The following PPP3CA variants were observed in gnomAD, a reference collection of about 807,000 sequenced individuals.
The protein encoded by PPP3CA is protein phosphatase 3 catalytic subunit alpha, also known as CAM-PRP catalytic subunit.
A neutral mutation model predicts 66.5 loss-of-function variants in PPP3CA; 14 were observed. That is an observed-to-expected ratio of 0.21 (90% CI 0.14 to 0.33). The LOEUF (loss-of-function observed/expected upper bound fraction) is 0.33, where lower values mean the gene tolerates loss of function less well. Among genes scored for constraint, PPP3CA ranks in the 10% least tolerant of loss-of-function variants. The pLI, the probability that PPP3CA is intolerant of heterozygous loss-of-function variation, is 1.00. For synonymous variants in PPP3CA, 232 were observed against 226.2 expected (o/e 1.03, Z -0.23); for missense variants, 317 against 639.5 (o/e 0.50, Z 5.44).
At chr4:101,104,741 G>T (rs1162251702) in intron 3 of PPP3CA, among the ~76,000 whole-genome samples, 1 of 151,982 alleles carries the variant, frequency 6.6e-6, no homozygotes, top group Non-Finnish European at 1.5e-5. Flanking sequence ...ATTTTCAGTA[G>T]GTACATTTTA....
chr4:101,097,899 A>C (rs1253881199), intron 5 of PPP3CA, among the ~76,000 whole-genome samples: 2 of 152,204 alleles, frequency 1.3e-5, no homozygotes, highest in Non-Finnish European at 2.9e-5. Flanking sequence ...AATTAATAAA[A>C]TATTATCACT....
chr4:101,066,910 C>T (rs1304016199), intron 8 of PPP3CA, among the ~76,000 whole-genome samples: 4 of 152,106 alleles, frequency 2.6e-5, no homozygotes. Context: ...CTTCAATAAT[C>T]ACTCAAGACC....
intron 3 of PPP3CA, among the ~76,000 whole-genome samples, chr4:101,106,370 GAGAAAAGAAAGAAAGAA>G (rs1560604639): frequency 5.2e-5 from 1 of 19,062 alleles, no homozygotes; most frequent in African/African-American, 1.4e-4. Flanking sequence ...ATTTAAAAGA[GAGAAAAGAAAGAAAGAA>G]AGAAAGAAAG....
At chr4:101,289,870 A>ATATGTG (rs1223561347) in intron 1 of PPP3CA, among the ~76,000 whole-genome samples, 1 of 141,728 alleles carries the variant, frequency 7.1e-6, no homozygotes, top group African/African-American at 2.6e-5. Flanking sequence ...ATGTCCGTGT[A>ATATGTG]TGTGTGTGTG....
At chr4:101,083,473 T>G (rs1420601911) in intron 6 of PPP3CA, among the ~76,000 whole-genome samples, 1 of 151,952 alleles carries the variant, frequency 6.6e-6, no homozygotes, top group African/African-American at 2.4e-5. Context: ...AGAAAGGGGT[T>G]GAGGTGCATG....
intron 1 of PPP3CA, among the ~76,000 whole-genome samples, chr4:101,337,985 A>G (rs1487671778): frequency 6.6e-6 from 1 of 152,210 alleles, no homozygotes; most frequent in Non-Finnish European, 1.5e-5. Flanking sequence ...CGGGGTGTAC[A>G]GTATGTTTTA....
intron 2 of PPP3CA, among the ~76,000 whole-genome samples, chr4:101,126,591 A>T (rs1344254955): frequency 6.6e-6 from 1 of 152,226 alleles, no homozygotes; most frequent in Non-Finnish European, 1.5e-5. Context: ...ACAGATACAG[A>T]GATTATGATA....
intron 1 of PPP3CA, among the ~76,000 whole-genome samples, chr4:101,206,823 G>T (rs1725143866): frequency 6.6e-6 from 1 of 152,128 alleles, no homozygotes; most frequent in South Asian, 2.1e-4. Flanking sequence ...AAAATGCCTT[G>T]TTCAGATCTA....
At chr4:101,174,696 A>G (rs1204792492) in intron 2 of PPP3CA, among the ~76,000 whole-genome samples, 1 of 152,184 alleles carries the variant, frequency 6.6e-6, no homozygotes, top group Non-Finnish European at 1.5e-5. Context: ...AAGGACATGA[A>G]GTGTAAGTCT....
At chr4:101,101,231 A>G (rs1185158996) in intron 3 of PPP3CA, among the ~76,000 whole-genome samples, 1 of 152,168 alleles carries the variant, frequency 6.6e-6, no homozygotes, top group Non-Finnish European at 1.5e-5. Flanking sequence ...TGATCTGTTG[A>G]TGTATGTAAC....
At chr4:101,136,516 G>T (rs1041872343) in intron 2 of PPP3CA, among the ~76,000 whole-genome samples, 4 of 151,450 alleles carry the variant, frequency 2.6e-5, no homozygotes, top group Admixed American at 6.6e-5. Flanking sequence ...ACTGGAGCCT[G>T]GGTGACAGAA....
intron 5 of PPP3CA, among the ~76,000 whole-genome samples, chr4:101,097,612 C>T (rs1017300333): frequency 3.3e-5 from 5 of 152,020 alleles, no homozygotes; most frequent in Non-Finnish European, 4.4e-5. Flanking sequence ...AAATACACTG[C>T]GATTTTTTAT....
At chr4:101,291,768 A>G (rs774288748) in intron 1 of PPP3CA, among the ~76,000 whole-genome samples, 6 of 152,076 alleles carry the variant, frequency 3.9e-5, no homozygotes, top group Non-Finnish European at 8.8e-5. Flanking sequence ...GAGTAAACAA[A>G]TGTCTTTGGA....
intron 1 of PPP3CA, among the ~76,000 whole-genome samples, chr4:101,253,465 C>T (rs905411844): frequency 1.3e-5 from 2 of 152,070 alleles, no homozygotes; most frequent in Non-Finnish European, 2.9e-5. Flanking sequence ...AATACATATA[C>T]CAAGCACCTT....
Position 101,025,509 on chromosome 4 carries a change from G to T in PPP3CA, c.*356C>A. 1 of 164,824 alleles carries T rather than the reference G, an allele frequency of 6.1e-6. No individual in the cohort carries two copies. The allele number at this position is 164,824 out of a possible 1,614,324, so 10.2% of individuals were successfully genotyped here. On this transcript the variant is annotated 3_prime_UTR_variant, in exon 14 of 14. Transcript: ENST00000394854. ...TTCATGTCCAGTAACAGAATAAAAG[G>T]CCTTTCATTAACCTATCTAGAAGTC...
intron 2 of PPP3CA, among the ~76,000 whole-genome samples, chr4:101,112,174 A>C (rs1721695787): frequency 6.6e-6 from 1 of 152,168 alleles, no homozygotes; most frequent in Non-Finnish European, 1.5e-5. Context: ...CTGAAGCATA[A>C]TCTGGCAGCC....
intron 3 of PPP3CA, among the ~76,000 whole-genome samples, chr4:101,106,519 A>C (rs1377925659): frequency 6.6e-6 from 1 of 151,546 alleles, no homozygotes; most frequent in Non-Finnish European, 1.5e-5. Flanking sequence ...AAAGAAAAAG[A>C]AAGAAAACAT....
Position 101,174,397 on chromosome 4 carries a change from A to G in PPP3CA, c.259+21519T>C, listed in dbSNP as rs1287414100. Among the ~76,000 whole-genome samples, 3 of 152,194 alleles carry G rather than the reference A, an allele frequency of 2.0e-5. No individual in the cohort carries two copies. In the East Asian group the frequency reaches 5.8e-4, roughly 29 times the overall value. On this transcript the variant is annotated intron_variant, in intron 2 of 13. Coordinates refer to ENST00000394854, the MANE Select transcript of PPP3CA (RefSeq NM_000944.5). ...GGGAATTCTTCACTAAAGTGCAATG[A>G]CTTTAGGTACACTTATTTTTAAAAG...
At chr4:101,268,593 A>G (rs796367248) in intron 1 of PPP3CA, among the ~76,000 whole-genome samples, 4 of 152,288 alleles carry the variant, frequency 2.6e-5, no homozygotes, top group African/African-American at 9.6e-5. Flanking sequence ...CTGCTAATGA[A>G]CTAAAGATAA....
Sources: allele counts gnomAD v4.1 joint callset (sites outside exome capture counted in the v4.1 genomes callset), GRCh38; gene constraint gnomAD v4.1.1; transcripts MANE v1.5; gene names NCBI Gene and HGNC (gene_info 2026-07-23, HGNC 2026-07-21).